Variants in WBP2NL observed in about 807,000 individuals in gnomAD.
WBP2NL encodes WBP2 N-terminal like, also known as postacrosomal sheath WW domain-binding protein.
Under a neutral mutation model 23.3 loss-of-function variants are expected in WBP2NL, and 27 were observed. The ratio of observed to expected loss-of-function variants is 1.16; its 90% confidence interval spans 0.85 to 1.60. WBP2NL has a LOEUF of 1.60. Ranked by LOEUF, WBP2NL falls within the 40% of genes most tolerant of loss-of-function variation. The pLI is 0.00. For synonymous variants in WBP2NL, 151 were observed against 145.9 expected, an observed-to-expected ratio of 1.03 and a Z score of -0.25; for missense variants, 370 against 389.5, an observed-to-expected ratio of 0.95 and a Z score of 0.42.
chr22:42,019,705 C>A lies in WBP2NL; in HGVS notation c.215C>A (p.Ser72Tyr), dbSNP rs998126033. The change falls in exon 3 of 6, where the codon TCT (serine) becomes TAT (tyrosine). Residue 72 changes from serine (S) to tyrosine (Y), a missense_variant. By Grantham distance (144) the Ser-to-Tyr change is moderately radical. Coordinates refer to ENST00000328823, the MANE Select transcript of WBP2NL (RefSeq NM_152613.3). ...TGCTCCATCAGTGATCCCATGTTGT[C>A]TTTTATGATGCCATTTGATCTGATG... ...TSCSISDPML[S>Y]FMMPFDLMTN... 1 of 1,614,150 alleles carries A rather than the reference C, an allele frequency of 6.2e-7. No homozygotes were observed. Among genetic ancestry groups the A allele is most frequent in the Admixed American group, 1.7e-5 (1 of 60,016 alleles).
intron 1 of WBP2NL, chr22:42,001,740 C>A (rs913302192): frequency 8.3e-7 from 1 of 1,201,036 alleles, no homozygotes; most frequent in African/African-American, 1.5e-5. Flanking sequence ...TCTGATGACA[C>A]TGGCCAGGTT....
At chr22:42,041,603 T>A (rs1569454046) in intron 8 of WBP2NL, among the ~76,000 whole-genome samples, 3 of 152,042 alleles carry the variant, frequency 2.0e-5, no homozygotes, top group African/African-American at 4.8e-5. Flanking sequence ...AGTCTGAGTG[T>A]CCTTATAGCT....
intron 1 of WBP2NL, among the ~76,000 whole-genome samples, chr22:42,007,665 G>C (rs73418929): frequency 0.049 from 7,407 of 152,144 alleles, 622 homozygotes; most frequent in African/African-American, 0.17. Context: ...TTGTCTTTTT[G>C]TGGCTGGTTT....
downstream of WBP2NL, chr22:42,031,439 C>T (rs1462234173): frequency 6.6e-6 from 1 of 152,222 alleles, no homozygotes. Context: ...TTCCGCTCTT[C>T]CTGTCTCTTC....
intron 1 of WBP2NL, among the ~76,000 whole-genome samples, chr22:42,018,421 C>T (rs1207024967): frequency 7.9e-6 from 1 of 126,036 alleles, no homozygotes; most frequent in Non-Finnish European, 1.7e-5. Flanking sequence ...GAAGGAAAGT[C>T]AAAAGGAAAG....
At chr22:42,029,378 ATT>A (rs569471092), downstream of WBP2NL, among the ~76,000 whole-genome samples, 1 of 143,510 alleles carries the variant, frequency 7.0e-6, no homozygotes. Context: ...TTTTCTATGC[ATT>A]TTTTTTTTTG....
rs752717631 is a variant in WBP2NL at position 42,019,767 on chromosome 22, A to T, written c.277A>T (p.Asn93Tyr). The T allele has an allele frequency of 6.2e-7, 1 of 1,614,220 alleles. No homozygotes were observed. Among genetic ancestry groups the T allele is most frequent in the Non-Finnish European group, 8.5e-7 (1 of 1,180,036 alleles). Residue 93 changes from asparagine to tyrosine, a missense_variant, in exon 3 of 6, where the codon AAC (asparagine) becomes TAC (tyrosine). By Grantham distance (143) the Asn-to-Tyr change is moderately radical. Transcript: ENST00000328823. ...TGTTGAACAACCAGTATTTGCTGCA[A>T]ACTTCATTAAGGGAACTATTCAGGC... Reference protein sequence around the residue: ...LTVEQPVFAANFIKGTIQAAP... With the variant: ...LTVEQPVFAAYFIKGTIQAAP...
intron 8 of WBP2NL, among the ~76,000 whole-genome samples, chr22:42,054,534 C>G (rs930245911): frequency 2.0e-5 from 3 of 151,994 alleles, no homozygotes; most frequent in Non-Finnish European, 2.9e-5. Flanking sequence ...GTGGCATAAT[C>G]TAAAGTCACT....
chr22:42,029,350 G>A (rs4603884), downstream of WBP2NL, among the ~76,000 whole-genome samples: 1 of 141,422 alleles, frequency 7.1e-6, no homozygotes, highest in Non-Finnish European at 1.5e-5. Flanking sequence ...TGACCCAGAA[G>A]ACATTTAAAT....
intron 1 of WBP2NL, among the ~76,000 whole-genome samples, chr22:42,016,515 TA>T (rs899204496): frequency 1.3e-5 from 2 of 152,232 alleles, no homozygotes; most frequent in African/African-American, 4.8e-5. Flanking sequence ...CAGGGTAGGT[TA>T]AAATGTCATA....
intron 1 of WBP2NL, among the ~76,000 whole-genome samples, chr22:42,013,386 C>CAA (rs879371078): frequency 4.7e-5 from 4 of 84,446 alleles, no homozygotes; most frequent in Non-Finnish European, 7.5e-5. Context: ...AACTCCATCT[C>CAA]AAAAAAAAAA....
At chr22:42,007,940 C>T (rs75907007) in intron 1 of WBP2NL, among the ~76,000 whole-genome samples, 3,666 of 152,110 alleles carry the variant, frequency 0.024, 150 homozygotes, top group African/African-American at 0.083. Flanking sequence ...CTAGCTTGTA[C>T]GGTAGTTCTA....
chr22:42,001,090 A>G (rs1049779166), intron 1 of WBP2NL: 10 of 1,025,194 alleles, frequency 9.8e-6, no homozygotes, highest in African/African-American at 1.6e-5. Context: ...TCTTGGTTTC[A>G]TCATACAAGA....
intron 8 of WBP2NL, among the ~76,000 whole-genome samples, chr22:42,040,676 A>T (rs1925368932): frequency 6.6e-6 from 1 of 152,184 alleles, no homozygotes; most frequent in Non-Finnish European, 1.5e-5. Context: ...TCTTTTATCC[A>T]GTTGTTCAAG....
intron 8 of WBP2NL, among the ~76,000 whole-genome samples, chr22:42,038,306 T>G (rs1406707781): frequency 5.3e-5 from 8 of 152,240 alleles, no homozygotes; most frequent in Admixed American, 2.6e-4. Flanking sequence ...TAACTGACCT[T>G]GTATCCTATG....
At chr22:42,016,497 G>A (rs1183313161) in intron 1 of WBP2NL, among the ~76,000 whole-genome samples, 3 of 152,172 alleles carry the variant, frequency 2.0e-5, no homozygotes, top group South Asian at 2.1e-4. Flanking sequence ...AGTAGTGGGG[G>A]ATGATACCAG....
At chr22:42,012,867 C>G (rs932773698) in intron 1 of WBP2NL, among the ~76,000 whole-genome samples, 2 of 151,908 alleles carry the variant, frequency 1.3e-5, no homozygotes, top group East Asian at 3.9e-4. Context: ...TGGCACGCAC[C>G]TGTAGTCCCA....
intron 1 of WBP2NL, chr22:42,001,104 G>A (rs1356577431): frequency 2.3e-5 from 24 of 1,042,826 alleles, no homozygotes; most frequent in Middle Eastern, 2.8e-4. Flanking sequence ...TACAAGACAA[G>A]CACAAAAGCA....
chr22:42,017,945 T>A (rs1556295845), intron 1 of WBP2NL, among the ~76,000 whole-genome samples: 1 of 151,938 alleles, frequency 6.6e-6, no homozygotes, highest in Non-Finnish European at 1.5e-5. Flanking sequence ...GGTCAGGAGT[T>A]CCAGACCAGC....
Sources: gnomAD v4.1 joint callset for allele counts (sites outside exome capture counted in the v4.1 genomes callset) on GRCh38, gnomAD v4.1.1 for gene constraint, MANE v1.5 for transcripts, NCBI Gene and HGNC (gene_info 2026-07-23, HGNC 2026-07-21) for gene names.